Variants in HDHD2 observed in about 807,000 individuals in gnomAD.
HDHD2 encodes the protein haloacid dehalogenase like hydrolase domain containing 2.
In HDHD2, 26 loss-of-function variants were observed where a neutral mutation model predicts 24.8. The ratio of observed to expected loss-of-function variants is 1.05; its 90% CI spans 0.77 to 1.45. The LOEUF (loss-of-function observed/expected upper bound fraction) is 1.45. Among genes scored for constraint, HDHD2 ranks in the 40% most tolerant of loss-of-function variants. The probability of loss-of-function intolerance (pLI) is 0.00; values close to 1 mark genes in which losing one functional copy is unlikely to be tolerated. For synonymous variants in HDHD2, 128 were observed against 114.9 expected, an observed-to-expected ratio of 1.11 and a Z score of -0.73; for missense variants, 299 against 313.4, an observed-to-expected ratio of 0.95 and a Z score of 0.35.
intron 6 of HDHD2, chr18:47,110,659 C>A: frequency 2.0e-6 from 2 of 984,610 alleles, no homozygotes; most frequent in Non-Finnish European, 2.4e-6. Flanking sequence ...GGCTCAATAA[C>A]GTTCGTTGAG....
chr18:47,119,155 T>C (rs778022030), intron 4 of HDHD2, among the ~76,000 whole-genome samples: 3 of 152,242 alleles, frequency 2.0e-5, no homozygotes, highest in African/African-American at 2.4e-5. Context: ...TGATGGCTGC[T>C]GACGGATCAG....
At chr18:47,119,564 A>G (rs1788036833) in intron 4 of HDHD2, among the ~76,000 whole-genome samples, 1 of 152,154 alleles carries the variant, frequency 6.6e-6, no homozygotes, top group African/African-American at 2.4e-5. Context: ...TTGTTTTGCT[A>G]TTTCCACCAC....
intron 4 of HDHD2, 75 bp from the exon 5 acceptor site, chr18:47,115,423 T>A: frequency 9.6e-7 from 1 of 1,037,672 alleles, no homozygotes; most frequent in Non-Finnish European, 1.4e-6. Context: ...ATGTCAGACT[T>A]ACAAAGTGGC....
chr18:47,117,080 T>A (rs141079365), intron 4 of HDHD2, among the ~76,000 whole-genome samples: 4 of 152,362 alleles, frequency 2.6e-5, no homozygotes, highest in African/African-American at 9.6e-5. Context: ...CTGCATAGCA[T>A]AAGCTTTACT....
chr18:47,136,222 T>A, intron 2 of HDHD2, 117 bp downstream of exon 2: 1 of 1,266,556 alleles, frequency 7.9e-7, no homozygotes, highest in Non-Finnish European at 1.1e-6. Flanking sequence ...AGGCAGTTCC[T>A]ATATATGGTT....
intron 4 of HDHD2, among the ~76,000 whole-genome samples, chr18:47,128,188 C>T (rs1343352835): frequency 6.6e-6 from 1 of 152,168 alleles, no homozygotes; most frequent in Admixed American, 6.5e-5. Context: ...GGAAAGTGTA[C>T]TAATTAGACA....
chr18:47,120,550 T>G (rs1444736112), intron 4 of HDHD2, among the ~76,000 whole-genome samples: 8 of 152,242 alleles, frequency 5.3e-5, no homozygotes, highest in Non-Finnish European at 1.2e-4. Context: ...AAGGCTGTTT[T>G]GCTTTCTTAT....
Position 47,146,208 on chromosome 18 carries a change from C to T in HDHD2, c.-11+4170G>A, listed in dbSNP as rs111274365. Among the ~76,000 whole-genome samples, 945 of 134,802 alleles carry T rather than the reference C, an allele frequency of 7.0e-3. 12 individuals are homozygous for T. The highest frequency in any genetic ancestry group is 0.026 in the African/African-American group (909 of 35,398). 88.4% of individuals were successfully genotyped at this position (134,802 alleles called of 152,430 possible). On this transcript the variant is annotated intron_variant, in intron 1 of 6. Coordinates refer to ENST00000300605, the MANE Select transcript of HDHD2 (RefSeq NM_032124.5). ...TCACACCATTGCACTTCAGCCTGGGCGACAGAGCAAGAATGTGTCTCAAAA... is the reference window on the plus strand; with the variant it reads ...TCACACCATTGCACTTCAGCCTGGGTGACAGAGCAAGAATGTGTCTCAAAA...
At chr18:47,110,376 C>G (rs1232768259) in intron 6 of HDHD2, 1 of 985,302 alleles carries the variant, frequency 1.0e-6, no homozygotes, top group Non-Finnish European at 1.2e-6. Context: ...GCAGCAAGCT[C>G]TACTGCCAGT....
Position 47,107,571 on chromosome 18 carries a change from C to T in HDHD2, c.*1111G>A, listed in dbSNP as rs370451953. 2 of 152,510 alleles carry T rather than the reference C, an allele frequency of 1.3e-5. No homozygotes were observed. The highest frequency in any genetic ancestry group is 3.8e-4 in the East Asian group (2 of 5,202). 9.4% of individuals were successfully genotyped at this position (152,510 alleles called of 1,614,324 possible). A position where few individuals can be genotyped will look rare whatever the true frequency, so the allele number is the denominator to read the frequency against. Reference sequence around the variant, plus strand: ...ATCCTAATAATTCAATGCCCAAGAGCCCTGTAGAACTATTGCAAGGCCCAG... The same window carrying T: ...ATCCTAATAATTCAATGCCCAAGAGTCCTGTAGAACTATTGCAAGGCCCAG... On this transcript the variant is annotated 3_prime_UTR_variant, in exon 7 of 7. Transcript: ENST00000300605.
At chr18:47,113,200 T>C (rs575788000) in intron 5 of HDHD2, among the ~76,000 whole-genome samples, 160 bp from the exon 6 acceptor site, 13 of 152,332 alleles carry the variant, frequency 8.5e-5, no homozygotes, top group African/African-American at 2.9e-4. Flanking sequence ...CATGTAATAC[T>C]CTGAGGAAGC....
At chr18:47,115,088 C>A (rs1599924365) in intron 5 of HDHD2, 44 bp downstream of exon 5, 1 of 1,459,080 alleles carries the variant, frequency 6.9e-7, no homozygotes, top group South Asian at 1.2e-5. Context: ...GCTTTCCCAG[C>A]ACAACAGGTG....
At chr18:47,125,796 T>TG (rs1352033587) in intron 4 of HDHD2, among the ~76,000 whole-genome samples, 4 of 152,166 alleles carry the variant, frequency 2.6e-5, no homozygotes, top group Non-Finnish European at 5.9e-5. Flanking sequence ...GATCACCAAA[T>TG]GGGGGTTACA....
chr18:47,113,958 C>T (rs1017160684), intron 5 of HDHD2, among the ~76,000 whole-genome samples: 1 of 152,020 alleles, frequency 6.6e-6, no homozygotes, highest in African/African-American at 2.4e-5. Flanking sequence ...GGCAGGGAAC[C>T]ACCACTTTCC....
At chr18:47,118,321 G>T (rs938274623) in intron 4 of HDHD2, among the ~76,000 whole-genome samples, 6 of 152,122 alleles carry the variant, frequency 3.9e-5, no homozygotes, top group Admixed American at 3.3e-4. Flanking sequence ...TGCAGCATTA[G>T]TCACAAAAGA....
chr18:47,112,314 A>G (rs1344792690), intron 6 of HDHD2, among the ~76,000 whole-genome samples: 4 of 151,962 alleles, frequency 2.6e-5, no homozygotes, highest in Non-Finnish European at 5.9e-5. Context: ...AAGAGCCTTG[A>G]CCCGAGTCTC....
intron 4 of HDHD2, among the ~76,000 whole-genome samples, chr18:47,127,105 G>T (rs1441393182): frequency 1.3e-5 from 2 of 152,038 alleles, no homozygotes; most frequent in South Asian, 4.1e-4. Context: ...AGCTTGCAGT[G>T]AGCCAAGATC....
chr18:47,145,752 A>C (rs1220579000), intron 1 of HDHD2, among the ~76,000 whole-genome samples: 2 of 152,260 alleles, frequency 1.3e-5, no homozygotes, highest in Non-Finnish European at 2.9e-5. Flanking sequence ...CCATTGAAGA[A>C]AAGACAGATA....
rs750801486 is a variant in HDHD2 at position 47,134,525 on chromosome 18, A to G, written c.281T>C (p.Val94Ala). 1.3e-5 allele frequency: 21 copies of G among 1,614,038 alleles called. No individual in the cohort carries two copies. The highest frequency in any genetic ancestry group is 2.7e-5 in the African/African-American group (2 of 74,928). Residue 94 changes from valine to alanine, a missense_variant, in exon 3 of 7, where the codon GTT (valine) becomes GCT (alanine). Coordinates refer to ENST00000300605, the MANE Select transcript of HDHD2 (RefSeq NM_032124.5). Reference protein sequence around the residue: ...ERKQVRPMLLVDDRALPDFKG... With the variant: ...ERKQVRPMLLADDRALPDFKG... The stretch of plus-strand genomic sequence containing the variant: ...GAAATCAGGTAGTGCCCGATCATCA[A>G]CTAGCAGCATGGGTCTGACTTGTTT...
Sources: gnomAD v4.1 joint callset for allele counts (sites outside exome capture counted in the v4.1 genomes callset) on GRCh38, gnomAD v4.1.1 for gene constraint, MANE v1.5 for transcripts, NCBI Gene and HGNC (gene_info 2026-07-23, HGNC 2026-07-21) for gene names.